The following COMMD10 variants were observed in gnomAD, a reference collection of about 807,000 sequenced individuals.
COMMD10 encodes COMM domain-containing protein 10.
In COMMD10, 33 loss-of-function variants were observed where a neutral mutation model predicts 28.9. The observed-to-expected ratio is 1.14, with a 90% confidence interval of 0.87 to 1.53. COMMD10 has a LOEUF of 1.53. Ranked by LOEUF, COMMD10 falls within the 40% of genes most tolerant of loss-of-function variation. The pLI, the probability that COMMD10 is intolerant of heterozygous loss-of-function variation, is 0.00. For synonymous variants in COMMD10, 110 were observed against 81.7 expected (o/e 1.35, Z -1.87); for missense variants, 310 against 233.4 (o/e 1.33, Z -2.14).
At chr5:116,086,416 C>A (rs1395486537) in intron 1 of COMMD10, among the ~76,000 whole-genome samples, 1 of 152,088 alleles carries the variant, frequency 6.6e-6, no homozygotes, top group Non-Finnish European at 1.5e-5. Flanking sequence ...TGGCTCATGC[C>A]TGTAATTCCA....
At chr5:116,284,276 T>C (rs563455697) in intron 5 of COMMD10, among the ~76,000 whole-genome samples, 7 of 152,082 alleles carry the variant, frequency 4.6e-5, no homozygotes, top group African/African-American at 1.5e-4. Flanking sequence ...ACTTTTATGC[T>C]AAAGACAGCT....
intron 5 of COMMD10, among the ~76,000 whole-genome samples, chr5:116,185,622 G>A: frequency 6.6e-6 from 1 of 152,182 alleles, no homozygotes; most frequent in East Asian, 1.9e-4. Context: ...ACAAAACATA[G>A]CAAAAGGACA....
intron 5 of COMMD10, among the ~76,000 whole-genome samples, chr5:116,235,023 T>G (rs1749624601): frequency 6.6e-6 from 1 of 152,178 alleles, no homozygotes; most frequent in Non-Finnish European, 1.5e-5. Context: ...TCTTCAAATG[T>G]AAAGGTGTTT....
chr5:116,197,468 A>G (rs10037305), intron 5 of COMMD10, among the ~76,000 whole-genome samples: 90,111 of 151,834 alleles, frequency 0.59, 30,861 homozygotes, highest in South Asian at 0.77. Flanking sequence ...TGCAACCTCT[A>G]CCTCCTGGGC....
At chr5:116,131,129 A>G (rs1428849993) in intron 4 of COMMD10, among the ~76,000 whole-genome samples, 3 of 151,934 alleles carry the variant, frequency 2.0e-5, no homozygotes, top group Admixed American at 6.6e-5. Flanking sequence ...TTGACAATGT[A>G]TCATTTAACC....
intron 4 of COMMD10, among the ~76,000 whole-genome samples, chr5:116,100,713 A>T (rs1241044248): frequency 6.6e-6 from 1 of 152,124 alleles, no homozygotes; most frequent in African/African-American, 2.4e-5. Flanking sequence ...TTTTTGCAGA[A>T]TATGATTGAA....
In COMMD10 at chr5:116,196,294, T is replaced by C. The variant is rs1748517998; in HGVS notation, c.510+62116T>C. Among the ~76,000 whole-genome samples the C allele has an allele frequency of 2.0e-5, 3 of 151,934 alleles. No homozygotes were observed. The South Asian group carries it at 6.2e-4, about 32-fold the overall frequency. On this transcript the variant is annotated intron_variant, in intron 5 of 6. Transcript: ENST00000274458. ...TCTCACTGTTTTGTGGGAGCTAAGCTATGAGGACACAGAGGCATTAGAATG... is the reference window on the plus strand; with the variant it reads ...TCTCACTGTTTTGTGGGAGCTAAGCCATGAGGACACAGAGGCATTAGAATG...
intron 5 of COMMD10, among the ~76,000 whole-genome samples, chr5:116,245,843 TGA>T (rs1263894138): frequency 6.6e-6 from 1 of 152,114 alleles, no homozygotes; most frequent in African/African-American, 2.4e-5. Context: ...TACTTCAAAA[TGA>T]GAGTCTTCTA....
chr5:116,256,067 T>G (rs1331873805), intron 5 of COMMD10, among the ~76,000 whole-genome samples: 1 of 151,696 alleles, frequency 6.6e-6, no homozygotes, highest in Non-Finnish European at 1.5e-5. Context: ...TGAAATTACC[T>G]TCTATAAAAA....
rs190315780 is a variant in COMMD10, at chr5:116,156,749, A to C, written c.510+22571A>C. Among the ~76,000 whole-genome samples the C allele has an allele frequency of 3.2e-4, 49 of 152,284 alleles. 1 individual carries two copies. Among genetic ancestry groups the C allele is most frequent in the Middle Eastern group, 6.8e-3 (2 of 294 alleles). ...TTATAATTCTTTTAGAGACATTAAC[A>C]AAGGGTTTTGTAGTTACTCTTCTGC... is the stretch of plus-strand genomic sequence containing the variant. On this transcript the variant is annotated intron_variant, in intron 5 of 6. Transcript: ENST00000274458.
chr5:116,220,226 T>C (rs1293161456), intron 5 of COMMD10, among the ~76,000 whole-genome samples: 1 of 152,180 alleles, frequency 6.6e-6, no homozygotes, highest in Non-Finnish European at 1.5e-5. Context: ...AAATCAGGCA[T>C]AAAGTCTCAG....
chr5:116,241,029 T>A (rs2112663047), intron 5 of COMMD10, among the ~76,000 whole-genome samples: 1 of 152,318 alleles, frequency 6.6e-6, no homozygotes, highest in Non-Finnish European at 1.5e-5. Context: ...AGGAGGAATC[T>A]GAGACCCAGT....
In COMMD10 at chr5:116,291,570, T is replaced by G. The variant is rs1002303078; in HGVS notation, c.564T>G (p.Tyr188Ter). 1 of 1,564,904 alleles carries G rather than the reference T, an allele frequency of 6.4e-7. No individual in the cohort carries two copies. The highest frequency in any genetic ancestry group is 8.8e-7 in the Non-Finnish European group (1 of 1,142,518). Residue 188 changes from tyrosine (Y) to a stop codon, truncating the protein, a stop_gained, in exon 6 of 7, where the codon TAT becomes TAG. Transcript: ENST00000274458. LOFTEE classifies it high-confidence loss of function. ...EFSHKELFDF[Y>*]NKLETIQAQL... ...GTCACAAGGAGTTGTTTGATTTCTATAACAAGGTCTGTATTTTTAAAATAA... is the reference window on the plus strand; with the variant it reads ...GTCACAAGGAGTTGTTTGATTTCTAGAACAAGGTCTGTATTTTTAAAATAA...
At chr5:116,212,925 A>G (rs1388103387) in intron 5 of COMMD10, among the ~76,000 whole-genome samples, 1 of 152,136 alleles carries the variant, frequency 6.6e-6, no homozygotes, top group African/African-American at 2.4e-5. Flanking sequence ...ATTTTCAGGT[A>G]TAAGCCTGGT....
intron 5 of COMMD10, among the ~76,000 whole-genome samples, chr5:116,170,177 ATT>A (rs1753275082): frequency 6.6e-6 from 1 of 152,184 alleles, no homozygotes; most frequent in African/African-American, 2.4e-5. Context: ...AATCACAAGC[ATT>A]CCTATACACC....
At chr5:116,234,874 A>G (rs1395475253) in intron 5 of COMMD10, among the ~76,000 whole-genome samples, 3 of 152,182 alleles carry the variant, frequency 2.0e-5, no homozygotes, top group Non-Finnish European at 2.9e-5. Context: ...CAGCCGCAGG[A>G]GAGCTAGGGA....
chr5:116,149,503 G>C lies in COMMD10; in HGVS notation c.510+15325G>C, dbSNP rs1161978996. 5.9e-3 allele frequency among the ~76,000 whole-genome samples: 860 copies of C among 144,610 alleles called. 11 individuals carry two copies. The highest frequency in any genetic ancestry group is 0.021 in the African/African-American group (782 of 37,664). The allele number at this position is 144,610 out of a possible 152,430, so 94.9% of individuals were successfully genotyped here. On this transcript the variant is annotated intron_variant, in intron 5 of 6. Coordinates refer to ENST00000274458, the MANE Select transcript of COMMD10 (RefSeq NM_016144.4). ...TAAAAGTGTTCCTATTTCTCCACAT[G>C]CTCTCCAGCACCTGTTGTTTCCTGA...
chr5:116,150,169 C>T (rs62385211), intron 5 of COMMD10, among the ~76,000 whole-genome samples: 47,693 of 151,800 alleles, frequency 0.31, 10,374 homozygotes, highest in African/African-American at 0.62. Flanking sequence ...ATAGTTGTAG[C>T]TATGCAGTGT....
intron 5 of COMMD10, chr5:116,188,573 TTC>T (rs1301182255): frequency 1.3e-5 from 2 of 149,558 alleles, no homozygotes; most frequent in African/African-American, 5.1e-5. Context: ...TCTTTCTTTC[TTC>T]TTTCTTTCTT....
Sources: allele counts gnomAD v4.1 joint callset (sites outside exome capture counted in the v4.1 genomes callset), GRCh38; gene constraint gnomAD v4.1.1; transcripts MANE v1.5; gene names NCBI Gene and HGNC (gene_info 2026-07-23, HGNC 2026-07-21).